The following AUTS2 variants were observed in gnomAD, a reference collection of about 807,000 sequenced individuals.
AUTS2 encodes the protein autism susceptibility gene 2 protein.
A neutral mutation model predicts 112.4 loss-of-function variants in AUTS2; 17 were observed. That is an observed-to-expected ratio of 0.15 (90% CI 0.10 to 0.23). The LOEUF (loss-of-function observed/expected upper bound fraction) is 0.23. Among genes scored for constraint, AUTS2 ranks in the 10% least tolerant of loss-of-function variants. AUTS2 has a pLI of 1.00. For synonymous variants in AUTS2, 751 were observed against 702.7 expected, an observed-to-expected ratio of 1.07 and a Z score of -1.09; for missense variants, 1,510 against 1,701.6, an observed-to-expected ratio of 0.89 and a Z score of 1.98.
intron 4 of AUTS2, among the ~76,000 whole-genome samples, chr7:70,141,783 G>A (rs1180366050): frequency 6.6e-6 from 1 of 152,140 alleles, no homozygotes; most frequent in African/African-American, 2.4e-5. Flanking sequence ...TTTTAATTGA[G>A]GGAATAGGAT....
chr7:70,326,401 A>G (rs567871749), intron 4 of AUTS2, among the ~76,000 whole-genome samples: 1 of 152,130 alleles, frequency 6.6e-6, no homozygotes, highest in East Asian at 1.9e-4. Flanking sequence ...ACCTTTCCAC[A>G]CTTGCACATG....
intron 5 of AUTS2, among the ~76,000 whole-genome samples, chr7:70,492,864 C>T (rs1184034097): frequency 2.0e-5 from 3 of 152,202 alleles, no homozygotes; most frequent in Non-Finnish European, 4.4e-5. Context: ...GCAGCCCCCT[C>T]TGTTGGGTGT....
At chr7:70,147,996 C>T (rs1382393569) in intron 4 of AUTS2, among the ~76,000 whole-genome samples, 2 of 152,106 alleles carry the variant, frequency 1.3e-5, no homozygotes, top group Non-Finnish European at 2.9e-5. Context: ...TGGCTGGATT[C>T]TGTAAACCAG....
At chr7:69,674,503 G>C (rs1193542095) in intron 1 of AUTS2, among the ~76,000 whole-genome samples, 1 of 148,218 alleles carries the variant, frequency 6.7e-6, no homozygotes, top group African/African-American at 2.5e-5. Flanking sequence ...AAATTATTTA[G>C]AGCAGTGCCT....
intron 4 of AUTS2, among the ~76,000 whole-genome samples, chr7:70,357,149 C>T (rs1562905032): frequency 6.6e-6 from 1 of 152,136 alleles, no homozygotes; most frequent in South Asian, 2.1e-4. Context: ...TTGGCAGGCA[C>T]TTGGGTAAGG....
In AUTS2 at chr7:69,890,693, GAA is replaced by G. The variant is rs56364103; in HGVS notation, c.310-8579_310-8578del. On this transcript the variant is annotated intron_variant, in intron 1 of 18. Coordinates refer to ENST00000342771, the MANE Select transcript of AUTS2 (RefSeq NM_015570.4). ...TAATTGAGAACTGGCTGTTAAAAAT[GAA>G]AAAAAAAAAAAAATACGAACTCTAC... 6.4e-3 allele frequency among the ~76,000 whole-genome samples: 852 copies of G among 134,028 alleles called. 12 individuals are homozygous for G. The highest frequency in any genetic ancestry group is 0.04 in the East Asian group (188 of 4,656). The allele number at this position is 134,028 out of a possible 152,430, so 87.9% of individuals were successfully genotyped here.
chr7:69,868,895 A>G (rs916508676), intron 1 of AUTS2, among the ~76,000 whole-genome samples: 3 of 152,180 alleles, frequency 2.0e-5, no homozygotes, highest in Admixed American at 1.3e-4. Context: ...CCCCTCTGCT[A>G]GCTTGGAAGA....
In AUTS2 at chr7:69,614,314, C is replaced by CTCTTTCTTTCTTTCTTTCTTTCTT. The variant is rs763131370; in HGVS notation, c.309+14382_309+14405dup. On this transcript the variant is annotated intron_variant, in intron 1 of 18. Transcript: ENST00000342771. ...ACTTCTCTCAAGAGTCACTCTCCGT[C>CTCTTTCTTTCTTTCTTTCTTTCTT]TCTTTCTTTCTTTCTTTCTTTCTTT... Among the ~76,000 whole-genome samples, 532 of 83,354 alleles carry CTCTTTCTTTCTTTCTTTCTTTCTT rather than the reference C, an allele frequency of 6.4e-3. 48 individuals are homozygous for CTCTTTCTTTCTTTCTTTCTTTCTT. The highest frequency in any genetic ancestry group is 0.012 in the Middle Eastern group (2 of 166). 54.7% of individuals were successfully genotyped at this position (83,354 alleles called of 152,430 possible).
At chr7:70,604,297 G>A (rs1585363707) in intron 5 of AUTS2, among the ~76,000 whole-genome samples, 1 of 152,184 alleles carries the variant, frequency 6.6e-6, no homozygotes, top group African/African-American at 2.4e-5. Context: ...GGGGTGGGCC[G>A]AGAGCAAAGT....
intron 5 of AUTS2, among the ~76,000 whole-genome samples, chr7:70,523,950 CATG>C (rs1193354580): frequency 2.6e-5 from 4 of 152,200 alleles, no homozygotes; most frequent in Non-Finnish European, 4.4e-5. Context: ...GTCTAAGCAA[CATG>C]ATTTCTTCAT....
intron 2 of AUTS2, among the ~76,000 whole-genome samples, chr7:70,031,000 C>CA (rs1800751697): frequency 6.6e-6 from 1 of 152,002 alleles, no homozygotes; most frequent in South Asian, 2.1e-4. Flanking sequence ...TTAGGAGCCA[C>CA]AAAATGCTAT....
chr7:70,379,592 G>A (rs1173524503), intron 4 of AUTS2, among the ~76,000 whole-genome samples: 2 of 152,060 alleles, frequency 1.3e-5, no homozygotes, highest in African/African-American at 4.8e-5. Flanking sequence ...GTGTGTGTAG[G>A]TTCTGGAAGG....
chr7:69,934,078 G>C (rs1018119194), intron 2 of AUTS2, among the ~76,000 whole-genome samples: 34 of 152,222 alleles, frequency 2.2e-4, no homozygotes, highest in Admixed American at 2.2e-3. Flanking sequence ...GTTAGCTGCG[G>C]AATCTAGTTT....
At chr7:70,227,672 G>A (rs993777947) in intron 4 of AUTS2, among the ~76,000 whole-genome samples, 4 of 151,804 alleles carry the variant, frequency 2.6e-5, no homozygotes, top group Non-Finnish European at 4.4e-5. Context: ...TCTTCTGATC[G>A]CTCATGTGAT....
At chr7:70,605,520 TTTTC>T (rs1554440346) in intron 5 of AUTS2, among the ~76,000 whole-genome samples, 1 of 147,212 alleles carries the variant, frequency 6.8e-6, no homozygotes, top group Non-Finnish European at 1.5e-5. Flanking sequence ...TTTCTTTTTT[TTTTC>T]TTTCTTTCTT....
At chr7:70,118,382 G>T in intron 3 of AUTS2, 149 bp downstream of exon 3, 1 of 956,268 alleles carries the variant, frequency 1.0e-6, no homozygotes, top group Middle Eastern at 3.5e-4. Flanking sequence ...CATTATCTTT[G>T]TATACTTATT....
rs577471512 is a variant in AUTS2 at position 70,299,546 on chromosome 7, G to T, written c.661-136206G>T. 3.3e-5 allele frequency among the ~76,000 whole-genome samples: 5 copies of T among 152,284 alleles called. No homozygotes were observed. The South Asian group carries it at 8.3e-4, about 25-fold the overall frequency. Reference sequence around the variant, plus strand: ...ATAGGTGCTTGAAAATGAGCGTGTGGTGTCTGCATTTTCATTTCTAGATTG... The same window carrying T: ...ATAGGTGCTTGAAAATGAGCGTGTGTTGTCTGCATTTTCATTTCTAGATTG... On this transcript the variant is annotated intron_variant, in intron 4 of 18. Coordinates refer to ENST00000342771, the MANE Select transcript of AUTS2 (RefSeq NM_015570.4).
chr7:70,003,214 ATT>A lies in AUTS2; in HGVS notation c.522+103717_522+103718del, dbSNP rs1799290865. 1.3e-4 allele frequency among the ~76,000 whole-genome samples: 17 copies of A among 134,948 alleles called. 1 individual carries two copies. The South Asian group carries it at 2.8e-3, about 23-fold the overall frequency. 88.5% of individuals were successfully genotyped at this position (134,948 alleles called of 152,430 possible). A position where few individuals can be genotyped will look rare whatever the true frequency, so the allele number is the denominator to read the frequency against. The stretch of plus-strand genomic sequence containing the variant: ...ATATGAATATATTATATATGAATAT[ATT>A]ATATATGAATATATTATATATGAAT... On this transcript the variant is annotated intron_variant, in intron 2 of 18. Coordinates refer to ENST00000342771, the MANE Select transcript of AUTS2 (RefSeq NM_015570.4).
At chr7:70,302,609 T>C (rs778138330) in intron 4 of AUTS2, among the ~76,000 whole-genome samples, 2 of 152,030 alleles carry the variant, frequency 1.3e-5, no homozygotes, top group Non-Finnish European at 2.9e-5. Context: ...TTATCCTACC[T>C]GGCCATCTAT....
Sources: gnomAD v4.1 joint callset for allele counts (sites outside exome capture counted in the v4.1 genomes callset) on GRCh38, gnomAD v4.1.1 for gene constraint, MANE v1.5 for transcripts, NCBI Gene and HGNC (gene_info 2026-07-23, HGNC 2026-07-21) for gene names.